The following ZEB1 variants were observed in gnomAD, a reference collection of about 807,000 sequenced individuals.
ZEB1 encodes zinc finger E-box-binding homeobox 1.
In ZEB1, 21 loss-of-function variants were observed where a neutral mutation model predicts 84.9. That is an observed-to-expected ratio of 0.25 (90% CI 0.18 to 0.36). The LOEUF (loss-of-function observed/expected upper bound fraction) is 0.36. Ranked by LOEUF, ZEB1 falls within the 10% of genes least tolerant of loss-of-function variation. The probability of loss-of-function intolerance (pLI) is 1.00; values close to 1 mark genes in which losing one functional copy is unlikely to be tolerated. For synonymous variants in ZEB1, 420 were observed against 471.1 expected, an observed-to-expected ratio of 0.89 and a Z score of 1.41; for missense variants, 1,104 against 1,330.2, an observed-to-expected ratio of 0.83 and a Z score of 2.65.
At chr10:31,441,387 A>T (rs2058962897) in intron 1 of ZEB1, among the ~76,000 whole-genome samples, 1 of 152,222 alleles carries the variant, frequency 6.6e-6, no homozygotes, top group Admixed American at 6.5e-5. Flanking sequence ...CTTTCCTTAC[A>T]CCTGATACAA....
At chr10:31,384,717 A>G (rs1484058773) in intron 1 of ZEB1, among the ~76,000 whole-genome samples, 1 of 152,140 alleles carries the variant, frequency 6.6e-6, no homozygotes, top group African/African-American at 2.4e-5. Flanking sequence ...GTAAACTTAG[A>G]CTTCATCTTC....
Position 31,441,495 on chromosome 10 carries a change from G to A in ZEB1, c.59-19542G>A, listed in dbSNP as rs1423747688. 5.3e-5 allele frequency among the ~76,000 whole-genome samples: 8 copies of A among 152,114 alleles called. No individual in the cohort carries two copies. In the South Asian group the frequency reaches 6.2e-4, roughly 12 times the overall value. ...GCAATACCATTCAGGACATAGGCAC[G>A]GGCAAGGACTTCATGTCTAAAACAG... is the stretch of plus-strand genomic sequence containing the variant. On this transcript the variant is annotated intron_variant, in intron 1 of 8. Transcript: ENST00000424869.
chr10:31,522,048 CTG>C (rs1474477414), intron 7 of ZEB1, 112 bp downstream of exon 7: 4 of 1,474,934 alleles, frequency 2.7e-6, no homozygotes, highest in Non-Finnish European at 3.7e-6. Flanking sequence ...TTATTACAAA[CTG>C]TCATTTTTAA....
intron 1 of ZEB1, chr10:31,360,807 T>C (rs1167086165): frequency 4.5e-5 from 30 of 664,698 alleles, no homozygotes; most frequent in South Asian, 2.9e-4. Context: ...AAATCATATA[T>C]ACACTTAAAG....
intron 2 of ZEB1, among the ~76,000 whole-genome samples, chr10:31,470,073 C>T (rs1458998455): frequency 6.6e-6 from 1 of 151,754 alleles, no homozygotes; most frequent in Non-Finnish European, 1.5e-5. Flanking sequence ...ACATCACCAT[C>T]ATCAAAGACC....
At chr10:31,401,113 T>G (rs978503172) in intron 1 of ZEB1, among the ~76,000 whole-genome samples, 15 of 152,174 alleles carry the variant, frequency 9.9e-5, no homozygotes, top group Admixed American at 2.6e-4. Flanking sequence ...TTGCCTAAAT[T>G]ATTTCCTTTA....
chr10:31,467,818 G>A (rs1487043953), intron 2 of ZEB1, among the ~76,000 whole-genome samples: 2 of 152,024 alleles, frequency 1.3e-5, no homozygotes, highest in Non-Finnish European at 2.9e-5. Flanking sequence ...CATGAGAATA[G>A]ACTAGGAAGG....
chr10:31,321,076 G>A (rs2033892838), intron 1 of ZEB1: 2 of 890,228 alleles, frequency 2.2e-6, no homozygotes, highest in African/African-American at 1.8e-5. Context: ...GAGGAAATAC[G>A]TGTTTAGGAG....
At chr10:31,463,651 G>A (rs761342311) in intron 2 of ZEB1, among the ~76,000 whole-genome samples, 3 of 152,204 alleles carry the variant, frequency 2.0e-5, no homozygotes, top group South Asian at 2.1e-4. Flanking sequence ...TAGGTATTCA[G>A]GGAATGGAGG....
Position 31,514,632 on chromosome 10 carries a change from T to C in ZEB1, c.717T>C (p.Arg239=), listed in dbSNP as rs1162868414. ...ATGTGACGCAGTCTGGGTGTAATCG[T>C]AAATTCAAATGCACTGAGTGTGGAA... is the stretch of plus-strand genomic sequence containing the variant. ...QRHVTQSGCN[R]KFKCTECGKA... is the part of the protein sequence containing the mutation. Residue 239 remains arginine, a synonymous_variant, in exon 6 of 9, where the codon CGT becomes CGC. Transcript: ENST00000424869. 1 of 1,612,712 alleles carries C rather than the reference T, an allele frequency of 6.2e-7. No homozygotes were observed. The highest frequency in any genetic ancestry group is 8.5e-7 in the Non-Finnish European group (1 of 1,179,090).
intron 2 of ZEB1, among the ~76,000 whole-genome samples, chr10:31,494,373 T>G (rs1400744803): frequency 1.3e-5 from 2 of 152,040 alleles, no homozygotes. Flanking sequence ...AAGAGGTTTG[T>G]GCATATTTTA....
At chr10:31,319,342 A>G (rs1227313171) in intron 1 of ZEB1, 50 bp downstream of exon 1, 1 of 1,572,802 alleles carries the variant, frequency 6.4e-7, no homozygotes, top group South Asian at 1.2e-5. Context: ...GGAGCTGGGC[A>G]GCCGGGGCGC....
intron 1 of ZEB1, among the ~76,000 whole-genome samples, chr10:31,354,564 G>T (rs1367792146): frequency 1.3e-5 from 2 of 152,230 alleles, no homozygotes; most frequent in Non-Finnish European, 2.9e-5. Context: ...ACACTTTTAG[G>T]ATTGATAGTG....
intron 1 of ZEB1, chr10:31,320,138 G>A (rs1382824762): frequency 4.6e-5 from 7 of 151,718 alleles, no homozygotes; most frequent in African/African-American, 1.7e-4. Context: ...GGACTCCGCG[G>A]CGAGCCCCGC....
At chr10:31,401,565 TCA>T (rs2052004561) in intron 1 of ZEB1, among the ~76,000 whole-genome samples, 1 of 152,210 alleles carries the variant, frequency 6.6e-6, no homozygotes, top group South Asian at 2.1e-4. Context: ...TTTTCTGTGT[TCA>T]CTTAGTGTTT....
chr10:31,447,384 T>C (rs1282075821), intron 1 of ZEB1, among the ~76,000 whole-genome samples: 1 of 129,514 alleles, frequency 7.7e-6, no homozygotes. Context: ...CCAGTCTGTG[T>C]CTTTTAATTG....
At position 31,394,398 on chromosome 10, in the gene ZEB1, A is replaced by G. The variant is rs566214267; in HGVS notation, c.59-66639A>G. Among the ~76,000 whole-genome samples the G allele has an allele frequency of 2.0e-5, 3 of 152,246 alleles. 1 individual carries two copies. In the South Asian group the frequency reaches 6.2e-4, roughly 32 times the overall value. On this transcript the variant is annotated intron_variant, in intron 1 of 8. Coordinates refer to ENST00000424869, the MANE Select transcript of ZEB1 (RefSeq NM_001174096.2). ...CAGATTTTTTTTTCTAAAGTTTTTTATTAATGCCTAATACATATAGAAGCA... is the reference window on the plus strand; with the variant it reads ...CAGATTTTTTTTTCTAAAGTTTTTTGTTAATGCCTAATACATATAGAAGCA...
chr10:31,319,295 G>A lies in ZEB1; in HGVS notation c.58+3G>A. 3.7e-6 allele frequency: 6 copies of A among 1,607,350 alleles called. No individual in the cohort carries two copies. The highest frequency in any genetic ancestry group is 1.3e-5 in the African/African-American group (1 of 74,918). On this transcript the variant is annotated splice_donor_region_variant and intron_variant, in intron 1 of 8. Coordinates refer to ENST00000424869, the MANE Select transcript of ZEB1 (RefSeq NM_001174096.2). The stretch of plus-strand genomic sequence containing the variant: ...GGCGAACCCGCGGCGCAATAACGGT[G>A]AGTGGCGGAGGGGACCGGGGAGCGG...
intron 3 of ZEB1, among the ~76,000 whole-genome samples, chr10:31,500,049 T>C (rs1378856892): frequency 3.3e-5 from 5 of 152,174 alleles, no homozygotes; most frequent in Admixed American, 6.5e-5. Flanking sequence ...CTAGCACACT[T>C]ATAATTTTTA....
Sources: allele counts gnomAD v4.1 joint callset (sites outside exome capture counted in the v4.1 genomes callset), GRCh38; gene constraint gnomAD v4.1.1; transcripts MANE v1.5; gene names NCBI Gene and HGNC (gene_info 2026-07-23, HGNC 2026-07-21).